Variants in COL4A4 observed in about 807,000 individuals in gnomAD.
COL4A4 encodes collagen type IV alpha 4 chain.
A neutral mutation model predicts 192.9 loss-of-function variants in COL4A4; 105 were observed. That is an observed-to-expected ratio of 0.54 (90% CI 0.46 to 0.64). COL4A4 has a LOEUF of 0.64. Among genes scored for constraint, COL4A4 ranks in the 30% least tolerant of loss-of-function variants. The pLI, the probability that COL4A4 is intolerant of heterozygous loss-of-function variation, is 0.00. For synonymous variants in COL4A4, 762 were observed against 769.9 expected (o/e 0.99, Z 0.17); for missense variants, 1,967 against 2,169.3 (o/e 0.91, Z 1.85).
At chr2:227,151,859 T>C (rs558887662) in intron 1 of COL4A4, among the ~76,000 whole-genome samples, 133 of 152,316 alleles carry the variant, frequency 8.7e-4, no homozygotes, top group African/African-American at 3.2e-3. Flanking sequence ...CACCAGACAC[T>C]GAATCTGCTG....
chr2:227,089,899 G>C lies in COL4A4; in HGVS notation c.1428C>G (p.Pro476=), dbSNP rs185847845. The C allele has an allele frequency of 6.2e-7, 1 of 1,613,512 alleles. No homozygotes were observed. Among genetic ancestry groups the C allele is most frequent in the South Asian group, 1.1e-5 (1 of 91,050 alleles). Residue 476 remains proline (P), a synonymous_variant, in exon 21 of 48, where the codon CCC becomes CCG. Coordinates refer to ENST00000396625, the MANE Select transcript of COL4A4 (RefSeq NM_000092.5). ...GPQGIKGKVG[P]PGGRGPKGEK... ...CTCCTTTTGGGCCTCTTCCTCCTGG[G>C]GGACCAACTTTGCCTTTTATTCCTT... is the stretch of plus-strand genomic sequence containing the variant.
At chr2:227,060,413 T>C (rs1976658134) in intron 26 of COL4A4, among the ~76,000 whole-genome samples, 170 bp from the exon 27 acceptor site, 1 of 152,214 alleles carries the variant, frequency 6.6e-6, no homozygotes, top group African/African-American at 2.4e-5. Flanking sequence ...AGTCATATGC[T>C]CCAAATAAAT....
chr2:227,016,494 C>T (rs1050803857), intron 44 of COL4A4, among the ~76,000 whole-genome samples: 1 of 152,166 alleles, frequency 6.6e-6, no homozygotes, highest in Non-Finnish European at 1.5e-5. Context: ...CATTCATTTA[C>T]GTGTTATCTA....
intron 4 of COL4A4, among the ~76,000 whole-genome samples, chr2:227,129,629 G>A (rs532779390): frequency 4.6e-5 from 7 of 152,040 alleles, no homozygotes; most frequent in South Asian, 2.1e-4. Flanking sequence ...GGCTGGTCTC[G>A]AACTCCCGAC....
At position 227,002,728 on chromosome 2, in the gene COL4A4, C is replaced by T. The variant is rs1961287439; in HGVS notation, c.*4597G>A. On this transcript the variant is annotated 3_prime_UTR_variant, in exon 48 of 48. Transcript: ENST00000396625. ...AAACACAGTTGTTTTTGGAAGTCAT[C>T]ACAGAATTTTATATATAATGAACCA... 6.6e-6 allele frequency: 1 copy of T among 152,626 alleles called. No individual in the cohort carries two copies. 9.5% of individuals were successfully genotyped at this position (152,626 alleles called of 1,614,324 possible). A position where few individuals can be genotyped will look rare whatever the true frequency, so the allele number is the denominator to read the frequency against.
chr2:227,076,153 T>G (rs1412747719), intron 25 of COL4A4, among the ~76,000 whole-genome samples: 1 of 152,152 alleles, frequency 6.6e-6, no homozygotes, highest in Non-Finnish European at 1.5e-5. Flanking sequence ...AAATTTCACA[T>G]GGAACCAAAA....
chr2:226,995,249 A>C, the COL4A4 span, among the ~76,000 whole-genome samples: 2,296 of 152,314 alleles, frequency 0.015, 49 homozygotes, highest in African/African-American at 0.053. Flanking sequence ...CACTCTAAAA[A>C]TATTTACTTG....
At chr2:227,155,168 G>A (rs2064236944) in intron 1 of COL4A4, among the ~76,000 whole-genome samples, 1 of 152,136 alleles carries the variant, frequency 6.6e-6, no homozygotes, top group Admixed American at 6.5e-5. Context: ...GCTGGACTAT[G>A]GCCAAGCCCA....
At chr2:227,023,290 A>T (rs1966370586) in intron 43 of COL4A4, among the ~76,000 whole-genome samples, 1 of 151,978 alleles carries the variant, frequency 6.6e-6, no homozygotes, top group South Asian at 2.1e-4. Context: ...AAAAAAAAAA[A>T]AAAATAGCTG....
intron 37 of COL4A4, among the ~76,000 whole-genome samples, chr2:227,041,878 GAAAGAAAGAAAGAAAGAAAGAA>G (rs1971442465): frequency 6.9e-6 from 1 of 143,932 alleles, no homozygotes; most frequent in African/African-American, 2.8e-5. Context: ...AAGAAAGAAA[GAAAGAAAGAAAGAAAGAAAGAA>G]AGAAAGAAAG....
In COL4A4 at chr2:227,050,082, G is replaced by C. The variant is rs1392922149; in HGVS notation, c.3200C>G (p.Ala1067Gly). ...CCAAACCATACCTTTAGGTCCTCTT[G>C]CTCCATCAATTCCTGAAAATCCAGG... The part of the protein sequence containing the change: ...GPPGFSGIDG[A>G]RGPKGNKGDP... The change falls in exon 34 of 48, where the codon GCA (alanine) becomes GGA (glycine). Residue 1067 changes from alanine to glycine, a missense_variant. Transcript: ENST00000396625. 1 of 1,614,114 alleles carries C rather than the reference G, an allele frequency of 6.2e-7. No homozygotes were observed. The highest frequency in any genetic ancestry group is 8.5e-7 in the Non-Finnish European group (1 of 1,179,992).
At position 227,156,142 on chromosome 2, in the gene COL4A4, C is replaced by T. The variant is rs79315471; in HGVS notation, c.-102+7865G>A. 3.0e-3 allele frequency among the ~76,000 whole-genome samples: 455 copies of T among 152,050 alleles called. 2 individuals carry two copies. Among genetic ancestry groups the T allele is most frequent in the Non-Finnish European group, 4.4e-3 (297 of 67,970 alleles). On this transcript the variant is annotated intron_variant, in intron 1 of 47. Transcript: ENST00000396625. The stretch of plus-strand genomic sequence containing the variant: ...GGCCGGGTGTGGTGGCTCACACCTG[C>T]AATCCCAGCACTTTGGGGTGCCAGG...
Position 227,140,875 on chromosome 2 carries a change from TCACACACACA to T in COL4A4, c.115-647_115-638del, listed in dbSNP as rs71036159. 7.5e-3 allele frequency among the ~76,000 whole-genome samples: 1,051 copies of T among 139,810 alleles called. 17 individuals are homozygous for T. Among genetic ancestry groups the T allele is most frequent in the African/African-American group, 0.019 (706 of 37,392 alleles). The allele number at this position is 139,810 out of a possible 152,430, so 91.7% of individuals were successfully genotyped here. ...ACTTTCCAACACTGTCTTTAGAGCA[TCACACACACA>T]CACACACACACACACACACACACAC... On this transcript the variant is annotated intron_variant, in intron 3 of 47. Transcript: ENST00000396625.
chr2:227,050,919 C>T (rs1471968150), intron 33 of COL4A4, 58 bp downstream of exon 33: 2 of 1,601,896 alleles, frequency 1.2e-6, no homozygotes, highest in East Asian at 2.2e-5. Flanking sequence ...TCCTTACGGA[C>T]ATCCTAAGAA....
intron 33 of COL4A4, 149 bp downstream of exon 33, chr2:227,050,828 G>T: frequency 2.2e-6 from 2 of 893,302 alleles, no homozygotes; most frequent in Non-Finnish European, 3.6e-6. Flanking sequence ...CTTCTAGAAG[G>T]CTCTATTTTC....
chr2:227,138,628 G>A (rs1657908847), intron 4 of COL4A4, among the ~76,000 whole-genome samples: 1 of 128,578 alleles, frequency 7.8e-6, no homozygotes, highest in Non-Finnish European at 1.6e-5. Flanking sequence ...GCGAGACTCT[G>A]TCTCAAAACA....
Position 227,007,319 on chromosome 2 carries a change from C to T in COL4A4, c.*6G>A. On this transcript the variant is annotated 3_prime_UTR_variant, in exon 48 of 48. Coordinates refer to ENST00000396625, the MANE Select transcript of COL4A4 (RefSeq NM_000092.5). ...CTTGGCCACGTGTTGGTGAATTTCG[C>T]ATTCTCTAGCTATACTTCACGCAGA... 6.2e-7 allele frequency: 1 copy of T among 1,614,232 alleles called. No homozygotes were observed. The highest frequency in any genetic ancestry group is 2.2e-5 in the East Asian group (1 of 44,886).
At chr2:227,056,437 T>C (rs949707330) in intron 29 of COL4A4, among the ~76,000 whole-genome samples, 4 of 152,148 alleles carry the variant, frequency 2.6e-5, no homozygotes, top group African/African-American at 9.7e-5. Context: ...AGAAGAAAAC[T>C]TTCCAGGTTT....
At chr2:227,086,347 C>T (rs11892058) in intron 22 of COL4A4, among the ~76,000 whole-genome samples, 104,891 of 152,006 alleles carry the variant, frequency 0.69, 37,208 homozygotes, top group African/African-American at 0.86. Flanking sequence ...TAGTCTGCAC[C>T]GTCTTTCATG....
Sources: allele counts gnomAD v4.1 joint callset (sites outside exome capture counted in the v4.1 genomes callset), GRCh38; gene constraint gnomAD v4.1.1; transcripts MANE v1.5; gene names NCBI Gene and HGNC (gene_info 2026-07-23, HGNC 2026-07-21).